PPFIA1: variants seen among roughly 807,000 people sequenced by gnomAD.
PPFIA1 encodes PPFI scaffold protein A1.
In PPFIA1, 25 loss-of-function variants were observed where a neutral mutation model predicts 149.9. The observed-to-expected ratio is 0.17, with a 90% confidence interval of 0.12 to 0.23. The LOEUF is 0.23. Ranked by LOEUF, PPFIA1 falls within the 10% of genes least tolerant of loss-of-function variation. PPFIA1 has a pLI of 1.00. For synonymous variants in PPFIA1, 549 were observed against 552.8 expected (o/e 0.99, Z 0.10); for missense variants, 1,362 against 1,506.5 (o/e 0.90, Z 1.59).
chr11:70,326,789 A>G lies in PPFIA1; in HGVS notation c.901A>G (p.Asn301Asp), dbSNP rs767894128. The G allele has an allele frequency of 6.2e-7, 1 of 1,614,162 alleles. No individual in the cohort carries two copies. The highest frequency in any genetic ancestry group is 8.5e-7 in the Non-Finnish European group (1 of 1,179,992). ...AGATCTCATCAAATCTGAAGAAATG[A>G]ACACAAAATTGCAACGAGATGTCCG... ...RKDLIKSEEMNTKLQRDVREA... is the reference protein window; with the variant it reads ...RKDLIKSEEMDTKLQRDVREA... Residue 301 changes from asparagine (N) to aspartate (D), a missense_variant, in exon 7 of 28, where the codon AAC becomes GAC. Asn to Asp is a conservative substitution (Grantham distance 23, BLOSUM62 1). Around this residue, in one of 7 missense-constraint regions of PPFIA1, gnomAD observed 733 missense variants for 744.1 expected, o/e 0.99. Transcript: ENST00000253925.
chr11:70,349,834 G>C, intron 16 of PPFIA1: 1 of 443,914 alleles, frequency 2.3e-6, no homozygotes. Flanking sequence ...TATTTTTTCT[G>C]GTTTTGTAAT....
At chr11:70,291,467 AT>A (rs1161638189) in intron 2 of PPFIA1, among the ~76,000 whole-genome samples, 1 of 152,092 alleles carries the variant, frequency 6.6e-6, no homozygotes, top group Non-Finnish European at 1.5e-5. Flanking sequence ...TCCAAGTAAA[AT>A]TTTACTTAGC....
chr11:70,290,125 G>T (rs2051426372), intron 2 of PPFIA1, among the ~76,000 whole-genome samples: 1 of 152,154 alleles, frequency 6.6e-6, no homozygotes, highest in Admixed American at 6.5e-5. Flanking sequence ...AGCTACTCAG[G>T]AGGCTGAGGC....
intron 2 of PPFIA1, among the ~76,000 whole-genome samples, chr11:70,307,834 G>A (rs2052961122): frequency 6.6e-6 from 1 of 152,194 alleles, no homozygotes; most frequent in Non-Finnish European, 1.5e-5. Flanking sequence ...GCTGAAGTGG[G>A]AGGATTGGTT....
At position 70,272,298 on chromosome 11, in the gene PPFIA1, C is replaced by T. The variant is rs889640675; in HGVS notation, c.126C>T (p.Ser42=). 1.2e-6 allele frequency: 2 copies of T among 1,614,056 alleles called. No individual in the cohort carries two copies. The highest frequency in any genetic ancestry group is 1.7e-5 in the Admixed American group (1 of 59,994). Reference sequence around the variant, plus strand: ...CACATTTTGAACAGTTGATGGTCTCCATGCTAGAAGAAAGGGACCGCCTTC... The same window carrying T: ...CACATTTTGAACAGTTGATGGTCTCTATGCTAGAAGAAAGGGACCGCCTTC... ...ADSHFEQLMV[S]MLEERDRLLD... is the part of the protein sequence containing the mutation. Residue 42 remains serine, a synonymous_variant, in exon 2 of 28, where the codon TCC becomes TCT. Coordinates refer to ENST00000253925, the MANE Select transcript of PPFIA1 (RefSeq NM_003626.5).
At chr11:70,332,780 C>G (rs1591249082) in intron 9 of PPFIA1, among the ~76,000 whole-genome samples, 1 of 152,154 alleles carries the variant, frequency 6.6e-6, no homozygotes, top group South Asian at 2.1e-4. Context: ...GCCAGGCAGG[C>G]GAGCAGCAGG....
intron 2 of PPFIA1, among the ~76,000 whole-genome samples, chr11:70,275,142 G>T (rs1236814059): frequency 1.3e-5 from 2 of 152,226 alleles, no homozygotes; most frequent in Non-Finnish European, 2.9e-5. Flanking sequence ...TCTGGTGGCT[G>T]TTAGCTGGTA....
chr11:70,276,708 G>A (rs2050398553), intron 2 of PPFIA1, among the ~76,000 whole-genome samples: 1 of 152,026 alleles, frequency 6.6e-6, no homozygotes, highest in African/African-American at 2.4e-5. Context: ...GGTAGATGTA[G>A]GATTTTGAAT....
At chr11:70,343,943 A>C in intron 15 of PPFIA1, 51 bp downstream of exon 15, 1 of 1,492,966 alleles carries the variant, frequency 6.7e-7, no homozygotes, top group Non-Finnish European at 9.2e-7. Flanking sequence ...GTCTCTGAGG[A>C]ATCTCATCTT....
intron 11 of PPFIA1, among the ~76,000 whole-genome samples, chr11:70,336,505 CAA>C (rs10640266): frequency 2.4e-4 from 29 of 123,128 alleles, no homozygotes; most frequent in Non-Finnish European, 2.7e-4. Context: ...GATCCTGTTT[CAA>C]AAAAAAAAAA....
intron 15 of PPFIA1, among the ~76,000 whole-genome samples, chr11:70,347,454 T>A (rs946000063): frequency 6.6e-6 from 1 of 152,156 alleles, no homozygotes; most frequent in Non-Finnish European, 1.5e-5. Flanking sequence ...ATCCCACCAC[T>A]TTGGGAGGAG....
chr11:70,312,940 C>T (rs1009278807), intron 2 of PPFIA1, among the ~76,000 whole-genome samples: 3 of 152,064 alleles, frequency 2.0e-5, no homozygotes, highest in African/African-American at 7.2e-5. Flanking sequence ...TCCATGCCCA[C>T]GTGGGAAGTA....
At chr11:70,332,265 C>T (rs2054710568) in intron 9 of PPFIA1, among the ~76,000 whole-genome samples, 171 bp downstream of exon 9, 1 of 152,186 alleles carries the variant, frequency 6.6e-6, no homozygotes, top group African/African-American at 2.4e-5. Context: ...AAATGCCAGA[C>T]ATGATCCTTT....
chr11:70,295,512 A>ACC (rs527569852), intron 2 of PPFIA1, among the ~76,000 whole-genome samples: 3 of 60,638 alleles, frequency 4.9e-5, no homozygotes, highest in East Asian at 5.2e-4. Flanking sequence ...GGGGGGGCTG[A>ACC]CCCCCCCCAC....
In PPFIA1 at chr11:70,324,574, C is replaced by T. The variant is rs572376232; in HGVS notation, c.366+71C>T. 16 of 1,289,036 alleles carry T rather than the reference C, an allele frequency of 1.2e-5. No homozygotes were observed. In the African/African-American group the frequency reaches 1.5e-4, roughly 12 times the overall value. The allele number at this position is 1,289,036 out of a possible 1,614,324, so 79.8% of individuals were successfully genotyped here. On this transcript the variant is annotated intron_variant, in intron 3 of 27. Transcript: ENST00000253925. The stretch of plus-strand genomic sequence containing the variant: ...CAGGAGGAGGGGCGGTGTGTCAAAA[C>T]GAAAGGACGACCCACTCTGTCTGGC...
At chr11:70,298,515 T>C (rs997717611) in intron 2 of PPFIA1, among the ~76,000 whole-genome samples, 1 of 152,320 alleles carries the variant, frequency 6.6e-6, no homozygotes, top group East Asian at 1.9e-4. Flanking sequence ...CCCCAAACTA[T>C]TTTTACTATA....
At chr11:70,340,465 A>G (rs927393333) in intron 14 of PPFIA1, among the ~76,000 whole-genome samples, 7 of 152,240 alleles carry the variant, frequency 4.6e-5, no homozygotes, top group Admixed American at 2.6e-4. Flanking sequence ...GAAGTAATTG[A>G]ATACATATAT....
chr11:70,350,171 TAGTA>T, intron 16 of PPFIA1: 1 of 302,862 alleles, frequency 3.3e-6, no homozygotes, highest in South Asian at 2.7e-5. Flanking sequence ...TATTACTATA[TAGTA>T]AGTATGGATA....
Position 70,355,691 on chromosome 11 carries a change from A to C in PPFIA1, c.2368A>C (p.Ser790Arg). The change falls in exon 18 of 28, where the codon AGC becomes CGC. Residue 790 changes from serine (S) to arginine (R), a missense_variant. By Grantham distance (110) the Ser-to-Arg change is moderately radical. Transcript: ENST00000253925. ...GAGCAACCCCAGCAGTAGCAACAGT[A>C]GCCAGGACTCGCTCCACAAAGCCCC... ...PVSNPSSSNSSQDSLHKAPKK... is the reference protein window; with the variant it reads ...PVSNPSSSNSRQDSLHKAPKK... 1 of 1,614,124 alleles carries C rather than the reference A, an allele frequency of 6.2e-7. No homozygotes were observed. The highest frequency in any genetic ancestry group is 1.3e-5 in the African/African-American group (1 of 75,064).
Sources: gnomAD v4.1 joint callset for allele counts (sites outside exome capture counted in the v4.1 genomes callset) on GRCh38, gnomAD v4.1.1 for gene constraint, gnomAD v4.1.1 regional missense constraint, MANE v1.5 for transcripts, NCBI Gene and HGNC (gene_info 2026-07-23, HGNC 2026-07-21) for gene names.